Variants in GRID2 observed in about 807,000 individuals in gnomAD.
The protein encoded by GRID2 is glutamate receptor ionotropic, delta-2.
A neutral mutation model predicts 114.8 loss-of-function variants in GRID2; 33 were observed. The ratio of observed to expected loss-of-function variants is 0.29; its 90% CI spans 0.22 to 0.38. GRID2 has a LOEUF of 0.38. GRID2 is among the 10% of genes least tolerant of loss of function. The pLI is 1.00. For synonymous variants in GRID2, 505 were observed against 449.9 expected, an observed-to-expected ratio of 1.12 and a Z score of -1.55; for missense variants, 1,184 against 1,257.7, an observed-to-expected ratio of 0.94 and a Z score of 0.89.
chr4:92,644,159 C>T (rs1340980940), intron 2 of GRID2, among the ~76,000 whole-genome samples: 1 of 151,662 alleles, frequency 6.6e-6, no homozygotes, highest in African/African-American at 2.4e-5. Flanking sequence ...TACTTTCTAA[C>T]ATCTTTTTCA....
At chr4:92,387,431 G>T (rs1730018760) in intron 1 of GRID2, among the ~76,000 whole-genome samples, 2 of 151,956 alleles carry the variant, frequency 1.3e-5, no homozygotes, top group Non-Finnish European at 1.5e-5. Flanking sequence ...ACTCTGCAAA[G>T]TGTATTTTTA....
At chr4:93,000,590 C>T (rs895697413) in intron 2 of GRID2, among the ~76,000 whole-genome samples, 1 of 151,484 alleles carries the variant, frequency 6.6e-6, no homozygotes, top group Non-Finnish European at 1.5e-5. Flanking sequence ...TAATAGTGCT[C>T]TAGCACAGCA....
intron 2 of GRID2, among the ~76,000 whole-genome samples, chr4:92,931,879 C>T (rs988089720): frequency 1.3e-5 from 2 of 150,834 alleles, no homozygotes; most frequent in Non-Finnish European, 3.0e-5. Flanking sequence ...AAAAAGAAGG[C>T]CTTTTTAATA....
At chr4:92,948,385 TG>T (rs1341316591) in intron 2 of GRID2, among the ~76,000 whole-genome samples, 1 of 151,910 alleles carries the variant, frequency 6.6e-6, no homozygotes, top group Non-Finnish European at 1.5e-5. Flanking sequence ...ACTAAAATTT[TG>T]TAAAGGTTAT....
intron 1 of GRID2, among the ~76,000 whole-genome samples, chr4:92,469,633 G>A (rs1187148353): frequency 4.6e-5 from 7 of 151,834 alleles, no homozygotes; most frequent in East Asian, 1.9e-4. Flanking sequence ...ACAGAAGGCC[G>A]ATTGTAACCG....
intron 10 of GRID2, among the ~76,000 whole-genome samples, chr4:93,423,607 T>G (rs1768553201): frequency 6.6e-6 from 1 of 151,944 alleles, no homozygotes; most frequent in Admixed American, 6.6e-5. Context: ...TTGGAAAAAA[T>G]TAAAACATTC....
At chr4:93,379,933 G>A (rs2149306287) in intron 8 of GRID2, among the ~76,000 whole-genome samples, 1 of 152,128 alleles carries the variant, frequency 6.6e-6, no homozygotes, top group East Asian at 1.9e-4. Flanking sequence ...TCCCCAAATA[G>A]ATAGTGTTTT....
At chr4:93,344,107 A>G (rs1044203340) in intron 8 of GRID2, among the ~76,000 whole-genome samples, 7 of 152,056 alleles carry the variant, frequency 4.6e-5, no homozygotes, top group African/African-American at 1.7e-4. Context: ...TGCATGGAGA[A>G]GCCTTATAAT....
intron 2 of GRID2, among the ~76,000 whole-genome samples, chr4:92,973,630 A>G (rs1042790739): frequency 2.6e-5 from 4 of 152,172 alleles, no homozygotes; most frequent in African/African-American, 9.7e-5. Context: ...CCTGAAAACT[A>G]AAATGGAAGT....
chr4:92,461,235 G>C (rs952046729), intron 1 of GRID2, among the ~76,000 whole-genome samples: 1 of 151,878 alleles, frequency 6.6e-6, no homozygotes, highest in Non-Finnish European at 1.5e-5. Flanking sequence ...ATGTTACATG[G>C]TAAGTCCTTA....
chr4:93,671,583 C>G (rs1315099711), intron 14 of GRID2, among the ~76,000 whole-genome samples: 1 of 152,166 alleles, frequency 6.6e-6, no homozygotes, highest in Non-Finnish European at 1.5e-5. Flanking sequence ...TAATTTCTAT[C>G]TACCTCACAG....
At chr4:93,114,744 T>G (rs1429077721) in intron 4 of GRID2, among the ~76,000 whole-genome samples, 1 of 152,154 alleles carries the variant, frequency 6.6e-6, no homozygotes, top group Non-Finnish European at 1.5e-5. Context: ...ACCCTATTAG[T>G]GCTGGGAGCA....
chr4:93,521,891 A>G (rs917095046), intron 13 of GRID2, among the ~76,000 whole-genome samples: 1 of 152,190 alleles, frequency 6.6e-6, no homozygotes, highest in Non-Finnish European at 1.5e-5. Flanking sequence ...ACTCCTTTTT[A>G]AAGAAATTTT....
intron 4 of GRID2, among the ~76,000 whole-genome samples, chr4:93,130,376 G>C (rs1734687192): frequency 6.6e-6 from 1 of 152,140 alleles, no homozygotes; most frequent in Non-Finnish European, 1.5e-5. Flanking sequence ...AGGATGTCAA[G>C]GCTGCAGTGA....
At chr4:93,151,521 GA>G (rs1736739715) in intron 4 of GRID2, among the ~76,000 whole-genome samples, 3 of 152,118 alleles carry the variant, frequency 2.0e-5, no homozygotes, top group Admixed American at 2.0e-4. Flanking sequence ...AAGTCAGCCA[GA>G]CTTGGTTCTT....
chr4:92,608,655 A>T (rs1391646634), intron 2 of GRID2, among the ~76,000 whole-genome samples: 1 of 151,862 alleles, frequency 6.6e-6, no homozygotes, highest in Non-Finnish European at 1.5e-5. Context: ...ATGGTTTCCT[A>T]ACTGAGTTAG....
intron 4 of GRID2, among the ~76,000 whole-genome samples, chr4:93,161,969 C>A (rs1328273748): frequency 6.6e-6 from 1 of 151,596 alleles, no homozygotes; most frequent in African/African-American, 2.4e-5. Flanking sequence ...ACTATGGCAG[C>A]AATTTAGTCA....
chr4:93,588,711 G>A (rs751949921), intron 13 of GRID2, among the ~76,000 whole-genome samples: 1 of 152,190 alleles, frequency 6.6e-6, no homozygotes, highest in Non-Finnish European at 1.5e-5. Context: ...CTAAGTCTGA[G>A]CCCTGCCCCT....
intron 1 of GRID2, among the ~76,000 whole-genome samples, chr4:92,527,571 G>T (rs1465441534): frequency 3.3e-5 from 5 of 152,048 alleles, no homozygotes; most frequent in African/African-American, 1.2e-4. Flanking sequence ...AGCATTAAAT[G>T]AATATTTCCA....
Sources: allele counts gnomAD v4.1 joint callset (sites outside exome capture counted in the v4.1 genomes callset), GRCh38; gene constraint gnomAD v4.1.1; transcripts MANE v1.5; gene names NCBI Gene and HGNC (gene_info 2026-07-23, HGNC 2026-07-21).